The following SLC27A6 variants were observed in gnomAD, a reference collection of about 807,000 sequenced individuals.
The protein encoded by SLC27A6 is long-chain fatty acid transport protein 6.
A neutral mutation model predicts 63.9 loss-of-function variants in SLC27A6; 74 were observed. That is an observed-to-expected ratio of 1.16 (90% CI 0.96 to 1.40). SLC27A6 has a LOEUF of 1.40. Among genes scored for constraint, SLC27A6 ranks in the 40% most tolerant of loss-of-function variants. The pLI, the probability that SLC27A6 is intolerant of heterozygous loss-of-function variation, is 0.00. For missense variants in SLC27A6, 794 were observed against 732.9 expected (o/e 1.08, Z -0.96); for synonymous variants, 287 against 260.8 (o/e 1.10, Z -0.97).
chr5:129,024,918 A>G (rs925505053), intron 6 of SLC27A6, among the ~76,000 whole-genome samples: 1 of 152,132 alleles, frequency 6.6e-6, no homozygotes. Context: ...AAATCTCCCA[A>G]ATCTCTGAAT....
intron 1 of SLC27A6, among the ~76,000 whole-genome samples, chr5:128,981,826 T>C (rs1424653441): frequency 6.6e-6 from 1 of 151,800 alleles, no homozygotes; most frequent in Non-Finnish European, 1.5e-5. Flanking sequence ...TCTTTTTTTT[T>C]TTGTTAAGAT....
intron 7 of SLC27A6, among the ~76,000 whole-genome samples, chr5:129,027,644 C>T (rs1347399489): frequency 6.6e-6 from 1 of 152,058 alleles, no homozygotes; most frequent in East Asian, 1.9e-4. Context: ...GTTTGGTCAA[C>T]TGTAGTCTAA....
At chr5:129,026,205 A>G (rs985940461) in intron 6 of SLC27A6, among the ~76,000 whole-genome samples, 12 of 152,148 alleles carry the variant, frequency 7.9e-5, no homozygotes, top group Non-Finnish European at 1.3e-4. Flanking sequence ...ATCTAGCCGC[A>G]TGAACACTGC....
At position 128,987,044 on chromosome 5, in the gene SLC27A6, C is replaced by T. The variant is rs146116931; in HGVS notation, c.686-1556C>T. Among the ~76,000 whole-genome samples the T allele has an allele frequency of 2.3e-3, 349 of 152,046 alleles. 2 individuals are homozygous for T. Among genetic ancestry groups the T allele is most frequent in the African/African-American group, 7.7e-3 (320 of 41,468 alleles). On this transcript the variant is annotated intron_variant, in intron 2 of 9. Transcript: ENST00000262462. ...TTCCACCCTGATAGAAGTCCTGAGA[C>T]GTAATTCTGGAAAAGATGAACTTCT... is the stretch of plus-strand genomic sequence containing the variant.
chr5:128,971,858 C>T (rs1047519696), intron 1 of SLC27A6, among the ~76,000 whole-genome samples: 11 of 152,112 alleles, frequency 7.2e-5, no homozygotes, highest in African/African-American at 1.4e-4. Flanking sequence ...TTTCTAGCGT[C>T]GATGGTCTTT....
chr5:129,003,967 CAAA>C (rs779667758), intron 4 of SLC27A6, among the ~76,000 whole-genome samples: 4 of 69,410 alleles, frequency 5.8e-5, no homozygotes, highest in Admixed American at 1.7e-4. Flanking sequence ...GACCCTGTCT[CAAA>C]AAAAAAAAAA....
intron 8 of SLC27A6, among the ~76,000 whole-genome samples, chr5:129,028,728 T>C (rs974395733): frequency 1.3e-5 from 2 of 151,804 alleles, no homozygotes; most frequent in African/African-American, 4.8e-5. Flanking sequence ...AGTTACAGCT[T>C]TTTATTAGTC....
chr5:129,015,642 T>C (rs150718140), intron 4 of SLC27A6, among the ~76,000 whole-genome samples: 53 of 152,326 alleles, frequency 3.5e-4, no homozygotes, highest in South Asian at 1.7e-3. Context: ...AAGCCTTTAG[T>C]GATCTGCAAT....
At chr5:128,986,054 C>G (rs1750775389) in intron 2 of SLC27A6, among the ~76,000 whole-genome samples, 1 of 152,154 alleles carries the variant, frequency 6.6e-6, no homozygotes, top group Non-Finnish European at 1.5e-5. Context: ...CTACTCACAC[C>G]TGTAATCACA....
At chr5:128,973,678 C>A (rs1169458635) in intron 1 of SLC27A6, among the ~76,000 whole-genome samples, 1 of 152,198 alleles carries the variant, frequency 6.6e-6, no homozygotes, top group Non-Finnish European at 1.5e-5. Flanking sequence ...TACCGTCTGT[C>A]ACAGCTTCCC....
chr5:128,970,875 G>A (rs147086327), intron 1 of SLC27A6, among the ~76,000 whole-genome samples: 2 of 151,522 alleles, frequency 1.3e-5, no homozygotes, highest in African/African-American at 4.8e-5. Flanking sequence ...GATCTTTCCT[G>A]CTTTCTCTTG....
chr5:128,998,880 C>A (rs1224422868), intron 4 of SLC27A6, among the ~76,000 whole-genome samples: 1 of 152,178 alleles, frequency 6.6e-6, no homozygotes, highest in Non-Finnish European at 1.5e-5. Flanking sequence ...TATTAGAATT[C>A]TCCATGATCA....
chr5:129,018,642 T>C (rs898618453), intron 5 of SLC27A6, among the ~76,000 whole-genome samples: 3 of 152,096 alleles, frequency 2.0e-5, no homozygotes, highest in African/African-American at 7.2e-5. Flanking sequence ...AAATTTGGTA[T>C]TGATATTGAG....
At chr5:129,022,911 C>A (rs1195422476) in intron 5 of SLC27A6, among the ~76,000 whole-genome samples, 1 of 152,040 alleles carries the variant, frequency 6.6e-6, no homozygotes, top group Non-Finnish European at 1.5e-5. Context: ...GACAAATGAG[C>A]CTGCATGATG....
At chr5:129,012,217 C>T (rs986414750) in intron 4 of SLC27A6, among the ~76,000 whole-genome samples, 1 of 150,494 alleles carries the variant, frequency 6.6e-6, no homozygotes, top group East Asian at 1.9e-4. Flanking sequence ...TTTTCTTTTA[C>T]CCATGGGTTG....
chr5:129,008,865 ATTTTTTTTTT>A lies in SLC27A6; in HGVS notation c.970-7008_970-6999del, dbSNP rs777633985. Reference sequence around the variant, plus strand: ...TTGGCTATCTTATTATTTTCAATTGATTTTTTTTTTTTTTTTTTTTTGAGATAGAGTCCCT... The same window carrying A: ...TTGGCTATCTTATTATTTTCAATTGATTTTTTTTTTTGAGATAGAGTCCCT... On this transcript the variant is annotated intron_variant, in intron 4 of 9. Coordinates refer to ENST00000262462, the MANE Select transcript of SLC27A6 (RefSeq NM_001017372.3). Among the ~76,000 whole-genome samples the A allele has an allele frequency of 2.0e-3, 248 of 122,834 alleles. 8 individuals carry two copies. In the Admixed American group the frequency reaches 0.02, roughly 10 times the overall value. 80.6% of individuals were successfully genotyped at this position (122,834 alleles called of 152,430 possible). A position where few individuals can be genotyped will look rare whatever the true frequency, so the allele number is the denominator to read the frequency against.
At position 128,984,237 on chromosome 5, in the gene SLC27A6, T is replaced by C. The variant is rs146981345; in HGVS notation, c.482-896T>C. Among the ~76,000 whole-genome samples the C allele has an allele frequency of 8.5e-5, 13 of 152,308 alleles. 1 individual carries two copies. Among genetic ancestry groups the C allele is most frequent in the African/African-American group, 3.1e-4 (13 of 41,562 alleles). On this transcript the variant is annotated intron_variant, in intron 1 of 9. Coordinates refer to ENST00000262462, the MANE Select transcript of SLC27A6 (RefSeq NM_001017372.3). ...TGCTTCACTTGCTTACACAAAAGACTGTATAGGAATGATGACATTGTTTCT... is the reference window on the plus strand; with the variant it reads ...TGCTTCACTTGCTTACACAAAAGACCGTATAGGAATGATGACATTGTTTCT...
Position 128,966,156 on chromosome 5 carries a change from A to T in SLC27A6, c.19A>T (p.Thr7Ser). 1 of 1,548,118 alleles carries T rather than the reference A, an allele frequency of 6.5e-7. No homozygotes were observed. The highest frequency in any genetic ancestry group is 8.7e-7 in the Non-Finnish European group (1 of 1,151,136). MLLSWL[T>S]VLGAGMVVLH... Reference sequence around the variant, plus strand: ...TGCCCCCATGCTTCTGTCATGGCTAACAGTTCTAGGGGCTGGAATGGTCGT... The same window carrying T: ...TGCCCCCATGCTTCTGTCATGGCTATCAGTTCTAGGGGCTGGAATGGTCGT... The change falls in exon 1 of 10, where the codon ACA (threonine) becomes TCA (serine). Residue 7 changes from threonine to serine, a missense_variant. By Grantham distance (58) the Thr-to-Ser change is moderately conservative. Coordinates refer to ENST00000262462, the MANE Select transcript of SLC27A6 (RefSeq NM_001017372.3).
rs751688753 is a variant in SLC27A6 at position 128,985,263 on chromosome 5, C to T, written c.612C>T (p.Pro204=). The part of the protein sequence containing the change: ...KEKLSTSPDE[P]VPRSHHVVSL... ...AACTGAGCACCTCACCTGATGAGCC[C>T]GTGCCACGCAGCCACCATGTTGTCT... is the stretch of plus-strand genomic sequence containing the variant. The change falls in exon 2 of 10, where the codon CCC becomes CCT. Residue 204 remains proline (P), a synonymous_variant. Transcript: ENST00000262462. 2.2e-5 allele frequency: 35 copies of T among 1,614,058 alleles called. No homozygotes were observed. Among genetic ancestry groups the T allele is most frequent in the South Asian group, 3.3e-5 (3 of 91,080 alleles).
Sources: allele counts gnomAD v4.1 joint callset (sites outside exome capture counted in the v4.1 genomes callset), GRCh38; gene constraint gnomAD v4.1.1; transcripts MANE v1.5; gene names NCBI Gene and HGNC (gene_info 2026-07-23, HGNC 2026-07-21).